ZSCAN25: variants seen among roughly 807,000 people sequenced by gnomAD.
ZSCAN25 encodes zinc finger and SCAN domain-containing protein 25.
Under a neutral mutation model 38.7 loss-of-function variants are expected in ZSCAN25, and 27 were observed. The ratio of observed to expected loss-of-function variants is 0.70; its 90% confidence interval spans 0.51 to 0.96. The LOEUF (loss-of-function observed/expected upper bound fraction) is 0.96. Among genes scored for constraint, ZSCAN25 ranks in the 40% least tolerant of loss-of-function variants. ZSCAN25 has a pLI of 0.00. For synonymous variants in ZSCAN25, 273 were observed against 277.7 expected (o/e 0.98, Z 0.17); for missense variants, 637 against 705.9 (o/e 0.90, Z 1.11).
chr7:99,651,133 G>A, the ZSCAN25 span, among the ~76,000 whole-genome samples: 1 of 152,238 alleles, frequency 6.6e-6, no homozygotes, highest in African/African-American at 2.4e-5. Flanking sequence ...GCATTTGGAT[G>A]GGGCAGCTAA....
the ZSCAN25 span, among the ~76,000 whole-genome samples, chr7:99,729,082 A>T: frequency 6.6e-6 from 1 of 152,326 alleles, no homozygotes; most frequent in Non-Finnish European, 1.5e-5. Flanking sequence ...CTCACCAGCC[A>T]GGCAAATACT....
At chr7:99,716,107 G>A in the ZSCAN25 span, among the ~76,000 whole-genome samples, 1 of 152,142 alleles carries the variant, frequency 6.6e-6, no homozygotes, top group Admixed American at 6.5e-5. Context: ...TCTCCGCTGG[G>A]GGTGATGGAG....
chr7:99,697,729 AG>A, the ZSCAN25 span, among the ~76,000 whole-genome samples: 3 of 152,174 alleles, frequency 2.0e-5, no homozygotes, highest in Non-Finnish European at 4.4e-5. Context: ...AATGGCATGG[AG>A]GGTCGTGTTT....
At chr7:99,698,921 A>G in the ZSCAN25 span, among the ~76,000 whole-genome samples, 5 of 152,306 alleles carry the variant, frequency 3.3e-5, no homozygotes, top group South Asian at 8.3e-4. Context: ...ATTAAAATGA[A>G]GTTTATATTT....
the ZSCAN25 span, among the ~76,000 whole-genome samples, chr7:99,679,272 C>G: frequency 6.6e-6 from 1 of 152,064 alleles, no homozygotes; most frequent in Non-Finnish European, 1.5e-5. Flanking sequence ...AGCCAGGGGA[C>G]AGCTTCCCAT....
chr7:99,652,553 C>G, the ZSCAN25 span: 1 of 1,599,160 alleles, frequency 6.3e-7, no homozygotes, highest in Non-Finnish European at 8.5e-7. Flanking sequence ...AGACTTGTAC[C>G]TTTCAGGGCG....
the ZSCAN25 span, among the ~76,000 whole-genome samples, chr7:99,639,169 G>A: frequency 2.0e-5 from 3 of 152,308 alleles, no homozygotes; most frequent in South Asian, 2.1e-4. Flanking sequence ...ATAGTTGGAC[G>A]TCCCCTGGGG....
the ZSCAN25 span, among the ~76,000 whole-genome samples, chr7:99,708,464 C>T: frequency 2.6e-5 from 4 of 151,750 alleles, no homozygotes; most frequent in East Asian, 1.9e-4. Flanking sequence ...CCTTGTCTTA[C>T]CCCTCCTTCT....
the ZSCAN25 span, among the ~76,000 whole-genome samples, chr7:99,716,908 G>A: frequency 1.3e-5 from 2 of 152,168 alleles, no homozygotes; most frequent in South Asian, 4.1e-4. Context: ...CCTAAAGGAT[G>A]TATTTAGTCC....
At chr7:99,680,356 G>T in the ZSCAN25 span, among the ~76,000 whole-genome samples, 2 of 151,982 alleles carry the variant, frequency 1.3e-5, no homozygotes, top group African/African-American at 4.8e-5. Context: ...TGACTCCTAC[G>T]TATCCTTCCA....
the ZSCAN25 span, chr7:99,731,200 A>G: frequency 3.1e-6 from 5 of 1,607,898 alleles, no homozygotes; most frequent in South Asian, 4.4e-5. Context: ...GACTTTATAG[A>G]TATAGGGGCT....
chr7:99,708,993 C>G, the ZSCAN25 span: 1 of 1,609,830 alleles, frequency 6.2e-7, no homozygotes, highest in Non-Finnish European at 8.5e-7. Context: ...ATGCTTGAAC[C>G]AGGCTGGTTC....
In ZSCAN25 at chr7:99,631,031, T is replaced by C; in HGVS notation, c.*1011T>C. 8.3e-6 allele frequency: 8 copies of C among 969,202 alleles called. No individual in the cohort carries two copies. Among genetic ancestry groups the C allele is most frequent in the Non-Finnish European group, 9.8e-6 (8 of 815,204 alleles). The allele number at this position is 969,202 out of a possible 1,614,324, so 60.0% of individuals were successfully genotyped here. On this transcript the variant is annotated 3_prime_UTR_variant, in exon 8 of 8. Transcript: ENST00000394152. Reference sequence around the variant, plus strand: ...CCTGTAACAAACATGTCAGGAACTCTTCTGGGTGCTTGAGACACATCCATG... The same window carrying C: ...CCTGTAACAAACATGTCAGGAACTCCTCTGGGTGCTTGAGACACATCCATG...
the ZSCAN25 span, among the ~76,000 whole-genome samples, chr7:99,641,603 T>TA: frequency 2.0e-5 from 3 of 152,106 alleles, no homozygotes; most frequent in African/African-American, 4.8e-5. Flanking sequence ...ATCTCAAACT[T>TA]ACCACCACAA....
chr7:99,637,580 A>G, the ZSCAN25 span, among the ~76,000 whole-genome samples: 1 of 152,206 alleles, frequency 6.6e-6, no homozygotes, highest in Non-Finnish European at 1.5e-5. Context: ...GACATTTCAG[A>G]GAACTTCTTA....
At chr7:99,722,058 C>A in the ZSCAN25 span, among the ~76,000 whole-genome samples, 1 of 152,200 alleles carries the variant, frequency 6.6e-6, no homozygotes, top group African/African-American at 2.4e-5. Context: ...TTCTGTGGAA[C>A]ATCTTTGTCT....
the ZSCAN25 span, chr7:99,684,941 T>G: frequency 4.6e-6 from 2 of 437,214 alleles, 1 homozygote; most frequent in South Asian, 5.7e-5. Flanking sequence ...ATTTGGTCAC[T>G]TCCTTTATAT....
the ZSCAN25 span, chr7:99,716,027 C>G: frequency 4.5e-5 from 71 of 1,583,234 alleles, 1 homozygote; most frequent in Admixed American, 1.2e-3. Flanking sequence ...ACTTTCAGAA[C>G]TATTTACTGG....
At chr7:99,672,719 C>G in the ZSCAN25 span, 1 of 1,611,476 alleles carries the variant, frequency 6.2e-7, no homozygotes. Context: ...TTCACTAGCC[C>G]GATTCTGCAG....
Sources: allele counts gnomAD v4.1 joint callset (sites outside exome capture counted in the v4.1 genomes callset), GRCh38; gene constraint gnomAD v4.1.1; transcripts MANE v1.5; gene names NCBI Gene and HGNC (gene_info 2026-07-23, HGNC 2026-07-21).